The following GALNT3 variants were observed in gnomAD, a reference collection of about 807,000 sequenced individuals.
GALNT3 encodes polypeptide N-acetylgalactosaminyltransferase 3, also known as GalNAc transferase 3.
In GALNT3, 51 loss-of-function variants were observed where a neutral mutation model predicts 69.8. The ratio of observed to expected loss-of-function variants is 0.73; its 90% CI spans 0.58 to 0.92. The LOEUF (loss-of-function observed/expected upper bound fraction) is 0.92. Ranked by LOEUF, GALNT3 falls within the 40% of genes least tolerant of loss-of-function variation. The pLI is 0.00. For synonymous variants in GALNT3, 265 were observed against 248.5 expected (o/e 1.07, Z -0.63); for missense variants, 711 against 760.0 (o/e 0.94, Z 0.76).
At position 165,785,393 on chromosome 2, in the gene GALNT3, T is replaced by C. The variant is rs929244737; in HGVS notation, c.-109+8622A>G. On this transcript the variant is annotated intron_variant, in intron 1 of 10. Coordinates refer to ENST00000392701, the MANE Select transcript of GALNT3 (RefSeq NM_004482.4). ...ATATTGTTTTTATATTTTTAAAAAA[T>C]AGCATCGGTTACCTCTGGGGAAGAA... is the stretch of plus-strand genomic sequence containing the variant. Among the ~76,000 whole-genome samples, 63 of 152,130 alleles carry C rather than the reference T, an allele frequency of 4.1e-4. 2 individuals are homozygous for C. The highest frequency in any genetic ancestry group is 7.4e-5 in the Non-Finnish European group (5 of 68,008).
At position 165,749,746 on chromosome 2, in the gene GALNT3, T is replaced by G; in HGVS notation, c.1775A>C (p.Gln592Pro). ...GAATTAATTGCACTGAGGTACCTTC[T>G]GGATCTCCCATATCTGCTCTCCAGT... ...VVTGEQIWEI[Q>P]KDQLLYNPFL... The change falls in exon 10 of 11, where the codon CAG becomes CCG. Residue 592 changes from glutamine to proline, a missense_variant. By Grantham distance (76) the Gln-to-Pro change is moderately conservative. Transcript: ENST00000392701. 1 of 1,613,386 alleles carries G rather than the reference T, an allele frequency of 6.2e-7. No homozygotes were observed.
At chr2:165,757,766 G>A (rs1387287974) in intron 6 of GALNT3, among the ~76,000 whole-genome samples, 1 of 152,012 alleles carries the variant, frequency 6.6e-6, no homozygotes, top group Non-Finnish European at 1.5e-5. Flanking sequence ...GCAAAGTAGA[G>A]GATGATTATT....
chr2:165,782,267 G>A (rs576955888), intron 1 of GALNT3, among the ~76,000 whole-genome samples: 1 of 152,164 alleles, frequency 6.6e-6, no homozygotes, highest in East Asian at 1.9e-4. Flanking sequence ...CTCTCTCTAT[G>A]GGTTAGCAGG....
chr2:165,787,592 G>T (rs1469204681), intron 1 of GALNT3, among the ~76,000 whole-genome samples: 2 of 152,264 alleles, frequency 1.3e-5, no homozygotes, highest in Middle Eastern at 3.4e-3. Context: ...AGATAGGAAT[G>T]AATAAAAGTA....
rs1312378101 is a variant in GALNT3, at chr2:165,776,538, T to TA, written c.-108-5731dup. On this transcript the variant is annotated intron_variant, in intron 1 of 10. Coordinates refer to ENST00000392701, the MANE Select transcript of GALNT3 (RefSeq NM_004482.4). ...AAATCATGAAATAGTTTTTAAAAACTAAAAAAAAAGAAAAAAAAGAAAAGA... is the reference window on the plus strand; with the variant it reads ...AAATCATGAAATAGTTTTTAAAAACTAAAAAAAAAAGAAAAAAAAGAAAAGA... 6.1e-3 allele frequency among the ~76,000 whole-genome samples: 911 copies of TA among 149,224 alleles called. 9 individuals are homozygous for TA. The highest frequency in any genetic ancestry group is 0.021 in the African/African-American group (842 of 40,664).
intron 4 of GALNT3, among the ~76,000 whole-genome samples, chr2:165,761,068 T>C (rs1299239986): frequency 6.6e-6 from 1 of 151,794 alleles, no homozygotes; most frequent in Non-Finnish European, 1.5e-5. Context: ...TTTGTGGTTT[T>C]TATTGAAAAT....
intron 1 of GALNT3, among the ~76,000 whole-genome samples, chr2:165,780,045 TC>T (rs1683069353): frequency 6.6e-6 from 1 of 152,116 alleles, no homozygotes; most frequent in Admixed American, 6.5e-5. Context: ...CCGCAGGGGC[TC>T]AATGCTGGAT....
At chr2:165,760,281 C>T (rs552627485) in intron 4 of GALNT3, among the ~76,000 whole-genome samples, 2 of 152,196 alleles carry the variant, frequency 1.3e-5, no homozygotes, top group South Asian at 2.1e-4. Context: ...GTATAAATTC[C>T]GATTTTAGCA....
At chr2:165,782,354 A>C (rs1314912477) in intron 1 of GALNT3, among the ~76,000 whole-genome samples, 1 of 151,116 alleles carries the variant, frequency 6.6e-6, no homozygotes, top group Non-Finnish European at 1.5e-5. Context: ...AAACACACTA[A>C]CACGATAGCT....
At chr2:165,769,262 C>T (rs781093397) in intron 2 of GALNT3, among the ~76,000 whole-genome samples, 70 of 145,590 alleles carry the variant, frequency 4.8e-4, no homozygotes, top group Non-Finnish European at 4.4e-4. Flanking sequence ...AAAAATTAGC[C>T]GGACGTGGTG....
intron 1 of GALNT3, among the ~76,000 whole-genome samples, chr2:165,774,716 T>C (rs1688814102): frequency 6.6e-6 from 1 of 152,028 alleles, no homozygotes; most frequent in African/African-American, 2.4e-5. Context: ...ACAATGTTGA[T>C]AACATAGTAG....
intron 3 of GALNT3, among the ~76,000 whole-genome samples, chr2:165,763,626 A>C (rs2105412119): frequency 6.6e-6 from 1 of 152,274 alleles, no homozygotes; most frequent in Admixed American, 6.5e-5. Context: ...GGCTTGTAAA[A>C]ATTTCAACAT....
chr2:165,749,540 A>C (rs1485551195), intron 10 of GALNT3, among the ~76,000 whole-genome samples: 3 of 152,274 alleles, frequency 2.0e-5, no homozygotes, highest in East Asian at 3.9e-4. Flanking sequence ...CAACCAAGCA[A>C]CTTAATTTTT....
At position 165,778,133 on chromosome 2, in the gene GALNT3, T is replaced by A. The variant is rs141129009; in HGVS notation, c.-108-7325A>T. On this transcript the variant is annotated intron_variant, in intron 1 of 10. Transcript: ENST00000392701. ...CAAACAAGTAATTATGATACTACAT[T>A]ATCTGTCAAGGGAGTCACAAACTCA... Among the ~76,000 whole-genome samples, 21 of 152,318 alleles carry A rather than the reference T, an allele frequency of 1.4e-4. No individual in the cohort carries two copies. The East Asian group carries it at 3.9e-3, about 28-fold the overall frequency.
At chr2:165,756,301 A>G (rs1688442087) in intron 7 of GALNT3, among the ~76,000 whole-genome samples, 1 of 152,194 alleles carries the variant, frequency 6.6e-6, no homozygotes, top group African/African-American at 2.4e-5. Context: ...CTATCTAGTT[A>G]ATTTACCTTA....
intron 3 of GALNT3, among the ~76,000 whole-genome samples, chr2:165,762,663 C>T (rs1455719069): frequency 6.6e-6 from 1 of 152,100 alleles, no homozygotes; most frequent in Non-Finnish European, 1.5e-5. Context: ...AAATATGAAA[C>T]AGGCAAATTT....
Position 165,775,064 on chromosome 2 carries a change from C to A in GALNT3, c.-108-4256G>T, listed in dbSNP as rs1289074351. ...GCTACTGCGCCTAGCCTTTGTAATT[C>A]CAATTTTACTGACAGACAGGGAGAG... On this transcript the variant is annotated intron_variant, in intron 1 of 10. Transcript: ENST00000392701. Among the ~76,000 whole-genome samples, 15 of 151,928 alleles carry A rather than the reference C, an allele frequency of 9.9e-5. No individual in the cohort carries two copies. The East Asian group carries it at 2.9e-3, about 30-fold the overall frequency.
chr2:165,758,798 A>T lies in GALNT3; in HGVS notation c.1140T>A (p.Tyr380Ter). 1 of 1,611,420 alleles carries T rather than the reference A, an allele frequency of 6.2e-7. No individual in the cohort carries two copies. Among genetic ancestry groups the T allele is most frequent in the Non-Finnish European group, 8.5e-7 (1 of 1,177,742 alleles). The change falls in exon 6 of 11, where the codon TAT (tyrosine) becomes TAA (stop). Residue 380 changes from tyrosine (Y) to a stop codon, truncating the protein, a stop_gained. Coordinates refer to ENST00000392701, the MANE Select transcript of GALNT3 (RefSeq NM_004482.4). LOFTEE classifies it high-confidence loss of function. ...SKEYFEYIGSYDEEMEIWGGE... is the reference protein window; with the variant it reads ...SKEYFEYIGS ...CTCCCCAGATTTCCATTTCTTCATCATAGCTTCCAATATACTCAAAATATT... is the reference window on the plus strand; with the variant it reads ...CTCCCCAGATTTCCATTTCTTCATCTTAGCTTCCAATATACTCAAAATATT...
At chr2:165,759,665 A>G (rs1688509526) in intron 4 of GALNT3, 95 bp from the exon 5 acceptor site, 1 of 885,788 alleles carries the variant, frequency 1.1e-6, no homozygotes, top group Non-Finnish European at 1.8e-6. Context: ...TGAGAATAAC[A>G]GAGTCAATTT....
Sources: gnomAD v4.1 joint callset for allele counts (sites outside exome capture counted in the v4.1 genomes callset) on GRCh38, gnomAD v4.1.1 for gene constraint, MANE v1.5 for transcripts, NCBI Gene and HGNC (gene_info 2026-07-23, HGNC 2026-07-21) for gene names.